ROBO2: variants seen among roughly 807,000 people sequenced by gnomAD.
ROBO2 encodes roundabout guidance receptor 2.
Under a neutral mutation model 160.8 loss-of-function variants are expected in ROBO2, and 53 were observed. The observed-to-expected ratio is 0.33, with a 90% confidence interval of 0.26 to 0.41. The LOEUF is 0.41. ROBO2 is among the 10% of genes least tolerant of loss of function. The pLI, the probability that ROBO2 is intolerant of heterozygous loss-of-function variation, is 1.00. For missense variants in ROBO2, 1,577 were observed against 1,722.4 expected (o/e 0.92, Z 1.49); for synonymous variants, 664 against 611.7 (o/e 1.09, Z -1.26).
At chr3:76,348,911 G>A (rs1287062984) in intron 2 of ROBO2, among the ~76,000 whole-genome samples, 3 of 152,118 alleles carry the variant, frequency 2.0e-5, no homozygotes, top group African/African-American at 7.2e-5. Flanking sequence ...ATCAAGGAGT[G>A]GAAAGGGGAA....
intron 1 of ROBO2, among the ~76,000 whole-genome samples, chr3:77,076,804 G>A (rs773567920): frequency 7.9e-5 from 12 of 152,044 alleles, no homozygotes; most frequent in Admixed American, 2.0e-4. Context: ...TTGAGTTTTC[G>A]TGTGTTTTTT....
intron 2 of ROBO2, among the ~76,000 whole-genome samples, chr3:77,335,703 C>G (rs1473274114): frequency 6.6e-6 from 1 of 152,086 alleles, no homozygotes; most frequent in African/African-American, 2.4e-5. Context: ...AGGTTATTCT[C>G]TGATTCGGAG....
chr3:77,034,261 C>A (rs936405215), intron 2 of ROBO2, among the ~76,000 whole-genome samples: 3 of 150,686 alleles, frequency 2.0e-5, no homozygotes, highest in African/African-American at 7.3e-5. Context: ...TCATTTATTT[C>A]ACTTTGTCAC....
At chr3:76,722,849 A>G (rs1315148836) in intron 2 of ROBO2, among the ~76,000 whole-genome samples, 5 of 152,180 alleles carry the variant, frequency 3.3e-5, no homozygotes, top group Admixed American at 2.6e-4. Flanking sequence ...TTTACCAGTT[A>G]ATGGGCATTG....
intron 2 of ROBO2, among the ~76,000 whole-genome samples, chr3:76,155,199 G>A (rs943542524): frequency 6.6e-6 from 1 of 152,002 alleles, no homozygotes; most frequent in African/African-American, 2.4e-5. Flanking sequence ...TAAAAAATAG[G>A]CCTAAATATT....
intron 2 of ROBO2, among the ~76,000 whole-genome samples, chr3:76,456,806 A>T (rs1420870129): frequency 1.3e-5 from 2 of 152,172 alleles, no homozygotes; most frequent in African/African-American, 4.8e-5. Flanking sequence ...GAAGGCCTCA[A>T]AATCATGGTG....
chr3:76,096,185 C>G (rs894868617), intron 2 of ROBO2, among the ~76,000 whole-genome samples: 17 of 152,104 alleles, frequency 1.1e-4, no homozygotes, highest in African/African-American at 4.1e-4. Flanking sequence ...TCACAGACCT[C>G]GAGTTTACTT....
At chr3:77,637,328 C>A (rs964451208) in intron 24 of ROBO2, among the ~76,000 whole-genome samples, 6 of 152,110 alleles carry the variant, frequency 3.9e-5, no homozygotes, top group African/African-American at 1.4e-4. Flanking sequence ...AGGGAGTATC[C>A]AATCCTGCAG....
chr3:77,272,689 A>G (rs924369261), intron 2 of ROBO2, among the ~76,000 whole-genome samples: 1 of 152,190 alleles, frequency 6.6e-6, no homozygotes, highest in Non-Finnish European at 1.5e-5. Flanking sequence ...ATTGTCCACC[A>G]GTGACTGTTA....
rs1903734 is a variant in ROBO2 at position 76,123,036 on chromosome 3, C to T, written c.109+185434C>T. Among the ~76,000 whole-genome samples the T allele has an allele frequency of 6.8e-3, 1,031 of 152,172 alleles. 9 individuals carry two copies. Among genetic ancestry groups the T allele is most frequent in the Non-Finnish European group, 0.013 (853 of 68,012 alleles). On this transcript the variant is annotated intron_variant, in intron 2 of 26. Transcript: ENST00000487694. ...TGTTGGGATTACAGGCATGAGCCAC[C>T]GTGCCCGACCTGTTTTCATATTTTC...
chr3:76,539,009 T>C (rs263520), intron 2 of ROBO2, among the ~76,000 whole-genome samples: 109,405 of 152,018 alleles, frequency 0.72, 40,150 homozygotes, highest in African/African-American at 0.88. Flanking sequence ...GAATACTATG[T>C]GGCCATAAAA....
intron 2 of ROBO2, among the ~76,000 whole-genome samples, chr3:76,772,502 T>C (rs1170940333): frequency 7.0e-6 from 1 of 141,910 alleles, no homozygotes; most frequent in Non-Finnish European, 1.5e-5. Flanking sequence ...CCTGACATTA[T>C]ACCTTGGGTT....
At chr3:76,634,495 G>T (rs1449966149) in intron 2 of ROBO2, among the ~76,000 whole-genome samples, 1 of 151,938 alleles carries the variant, frequency 6.6e-6, no homozygotes, top group African/African-American at 2.4e-5. Context: ...TTGAACCTGG[G>T]AGGCAGGGGT....
chr3:76,434,017 T>G, intron 2 of ROBO2: 1 of 1,149,012 alleles, frequency 8.7e-7, no homozygotes, highest in Non-Finnish European at 1.3e-6. Context: ...GGTGGTTCAT[T>G]ATGGCTGACA....
At chr3:77,247,456 C>T (rs992161145) in intron 2 of ROBO2, among the ~76,000 whole-genome samples, 2 of 152,162 alleles carry the variant, frequency 1.3e-5, no homozygotes, top group Admixed American at 6.5e-5. Context: ...GTACTCTACA[C>T]GTGGAGGCTC....
intron 2 of ROBO2, among the ~76,000 whole-genome samples, chr3:77,245,098 A>T (rs1023779986): frequency 1.3e-5 from 2 of 152,174 alleles, no homozygotes; most frequent in African/African-American, 4.8e-5. Context: ...GCTGCATTTT[A>T]ACAAGTTGGG....
chr3:76,770,766 T>C (rs1386870476), intron 2 of ROBO2, among the ~76,000 whole-genome samples: 1 of 151,304 alleles, frequency 6.6e-6, no homozygotes, highest in Non-Finnish European at 1.5e-5. Flanking sequence ...CCAAAGAAGA[T>C]GAAAAATGGA....
intron 2 of ROBO2, among the ~76,000 whole-genome samples, chr3:77,260,304 C>G (rs2058694259): frequency 6.6e-6 from 1 of 152,044 alleles, no homozygotes; most frequent in Non-Finnish European, 1.5e-5. Flanking sequence ...ATTATTATAG[C>G]CCTTAACCCA....
At chr3:77,031,691 TTATAA>T (rs1426431107) in intron 2 of ROBO2, among the ~76,000 whole-genome samples, 64 of 147,022 alleles carry the variant, frequency 4.4e-4, no homozygotes, top group Non-Finnish European at 7.9e-4. Context: ...ATGTAATTAA[TTATAA>T]TATAATACAT....
Sources: gnomAD v4.1 joint callset for allele counts (sites outside exome capture counted in the v4.1 genomes callset) on GRCh38, gnomAD v4.1.1 for gene constraint, MANE v1.5 for transcripts, NCBI Gene and HGNC (gene_info 2026-07-23, HGNC 2026-07-21) for gene names.